The following PLEKHA1 variants were observed in gnomAD, a reference collection of about 807,000 sequenced individuals.
PLEKHA1 encodes the protein pleckstrin homology domain-containing family A member 1.
Under a neutral mutation model 52.0 loss-of-function variants are expected in PLEKHA1, and 34 were observed. The ratio of observed to expected loss-of-function variants is 0.65; its 90% CI spans 0.50 to 0.87. PLEKHA1 has a LOEUF of 0.87. Among genes scored for constraint, PLEKHA1 ranks in the 40% least tolerant of loss-of-function variants. The pLI is 0.00. For missense variants in PLEKHA1, 497 were observed against 504.2 expected (o/e 0.99, Z 0.14); for synonymous variants, 163 against 170.7 (o/e 0.95, Z 0.35).
At chr10:122,377,800 A>G (rs1053665181) in intron 1 of PLEKHA1, among the ~76,000 whole-genome samples, 6 of 152,186 alleles carry the variant, frequency 3.9e-5, no homozygotes, top group African/African-American at 1.4e-4. Flanking sequence ...AAGCAAACAT[A>G]TGTTTGCTAT....
intron 4 of PLEKHA1, among the ~76,000 whole-genome samples, chr10:122,401,154 C>G (rs2096922813): frequency 6.6e-6 from 1 of 151,830 alleles, no homozygotes; most frequent in East Asian, 2.0e-4. Context: ...CGTGGTGTCT[C>G]TGGAGCTGAA....
At chr10:122,385,068 C>T (rs1251797125) in intron 1 of PLEKHA1, among the ~76,000 whole-genome samples, 3 of 152,006 alleles carry the variant, frequency 2.0e-5, no homozygotes, top group African/African-American at 7.3e-5. Context: ...ACCATGTCTG[C>T]AGCACATTAA....
intron 2 of PLEKHA1, among the ~76,000 whole-genome samples, chr10:122,394,488 C>T (rs1407458704): frequency 6.6e-6 from 1 of 152,032 alleles, no homozygotes; most frequent in Non-Finnish European, 1.5e-5. Flanking sequence ...GACTTCTAAG[C>T]TGATTTTTGT....
chr10:122,416,396 G>A (rs901135542), intron 7 of PLEKHA1, among the ~76,000 whole-genome samples: 2 of 152,176 alleles, frequency 1.3e-5, no homozygotes, highest in African/African-American at 2.4e-5. Flanking sequence ...CCTTGTTTAG[G>A]CATTGGCCTG....
At chr10:122,427,139 A>G in intron 11 of PLEKHA1, 108 bp downstream of exon 11, 1 of 1,071,566 alleles carries the variant, frequency 9.3e-7, no homozygotes, top group Non-Finnish European at 1.3e-6. Flanking sequence ...ATTTATTTGC[A>G]TGTTGACTTT....
chr10:122,430,252 T>A lies in PLEKHA1; in HGVS notation c.*314T>A. 4.7e-6 allele frequency: 1 copy of A among 211,562 alleles called. No individual in the cohort carries two copies. 13.1% of individuals were successfully genotyped at this position (211,562 alleles called of 1,614,324 possible). A position where few individuals can be genotyped will look rare whatever the true frequency, so the allele number is the denominator to read the frequency against. On this transcript the variant is annotated 3_prime_UTR_variant, in exon 12 of 12. Transcript: ENST00000368990. ...CTTAGTGATTTTGACAGTTTAAATG[T>A]TTAACAACTTAAAGCATTAAAAATG... is the stretch of plus-strand genomic sequence containing the variant.
chr10:122,409,101 C>CTA (rs1203692140), intron 5 of PLEKHA1, among the ~76,000 whole-genome samples: 2 of 151,810 alleles, frequency 1.3e-5, no homozygotes, highest in South Asian at 2.1e-4. Flanking sequence ...TCCTCTAACG[C>CTA]TATAGTCTGT....
downstream of PLEKHA1, chr10:122,436,304 A>G (rs2097437337): frequency 6.6e-6 from 1 of 152,244 alleles, no homozygotes; most frequent in Non-Finnish European, 1.5e-5. Flanking sequence ...TATTATTTAT[A>G]CATACCTTTA....
chr10:122,393,232 G>T lies in PLEKHA1; in HGVS notation c.32G>T (p.Cys11Phe). ...TATGTGGATCGTCAGAATCGCATTT[G>T]TGGTTTTCTAGACATTGAAGAAAAT... MPYVDRQNRI[C>F]GFLDIEENEN... is the part of the protein sequence containing the mutation. The change falls in exon 2 of 12, where the codon TGT (cysteine) becomes TTT (phenylalanine). Residue 11 changes from cysteine (C) to phenylalanine (F), a missense_variant. Coordinates refer to ENST00000368990, the MANE Select transcript of PLEKHA1 (RefSeq NM_001001974.4). The surrounding 1 kb of genome is among the most constrained non-coding windows in gnomAD (Gnocchi z 4.5). 1 of 1,612,070 alleles carries T rather than the reference G, an allele frequency of 6.2e-7. No homozygotes were observed. Among genetic ancestry groups the T allele is most frequent in the Non-Finnish European group, 8.5e-7 (1 of 1,179,108 alleles).
At chr10:122,429,521 T>C in intron 11 of PLEKHA1, 103 bp from the exon 12 acceptor site, 2 of 900,448 alleles carry the variant, frequency 2.2e-6, no homozygotes, top group Admixed American at 2.3e-5. Context: ...TGTGTGTGTG[T>C]GTGTGTGTGT....
intron 10 of PLEKHA1, 194 bp downstream of exon 10, chr10:122,425,153 T>C (rs968429253): frequency 2.5e-6 from 1 of 399,174 alleles, no homozygotes; most frequent in African/African-American, 2.1e-5. Context: ...GGAGTATTTG[T>C]TATGAATTAG....
intron 4 of PLEKHA1, among the ~76,000 whole-genome samples, chr10:122,401,456 AAAG>A (rs2096928217): frequency 6.6e-6 from 1 of 152,012 alleles, no homozygotes; most frequent in African/African-American, 2.4e-5. Context: ...GGAAGGGTGA[AAAG>A]AAGGAAAAGT....
Position 122,429,947 on chromosome 10 carries a change from C to A in PLEKHA1, c.*9C>A, listed in dbSNP as rs749948712. On this transcript the variant is annotated 3_prime_UTR_variant, in exon 12 of 12. Transcript: ENST00000368990. Reference sequence around the variant, plus strand: ...CGGTCAGTGACGTGTGAGGCAGAAGCGCACGGAGCCTGCCTGCCTCTGCCG... The same window carrying A: ...CGGTCAGTGACGTGTGAGGCAGAAGAGCACGGAGCCTGCCTGCCTCTGCCG... The A allele has an allele frequency of 1.3e-6, 2 of 1,599,896 alleles. No individual in the cohort carries two copies. The highest frequency in any genetic ancestry group is 3.4e-5 in the Admixed American group (2 of 58,672).
chr10:122,399,853 G>A (rs962178221), intron 3 of PLEKHA1, among the ~76,000 whole-genome samples: 12 of 152,238 alleles, frequency 7.9e-5, no homozygotes, highest in Admixed American at 7.8e-4. Context: ...TCAAAGTGCT[G>A]GGATTACAGG....
chr10:122,407,631 C>G (rs1254647791), intron 5 of PLEKHA1, among the ~76,000 whole-genome samples: 6 of 152,210 alleles, frequency 3.9e-5, no homozygotes. Flanking sequence ...CGTAGATAGG[C>G]TCTATTTTGA....
At chr10:122,403,813 G>A (rs984341296) in intron 4 of PLEKHA1, among the ~76,000 whole-genome samples, 1 of 151,694 alleles carries the variant, frequency 6.6e-6, no homozygotes, top group African/African-American at 2.4e-5. Context: ...TGCCTTAGCC[G>A]CCCAAGTAGC....
chr10:122,432,311 G>C lies in PLEKHA1; in HGVS notation c.*2373G>C, dbSNP rs916928677. On this transcript the variant is annotated 3_prime_UTR_variant, in exon 12 of 12. Transcript: ENST00000368990. The stretch of plus-strand genomic sequence containing the variant: ...GTTATCTTTATATGTCAAACTGGTT[G>C]AACACTGTAATGAGAATAAACTGCA... 2 of 152,118 alleles carry C rather than the reference G, an allele frequency of 1.3e-5. No individual in the cohort carries two copies. Among genetic ancestry groups the C allele is most frequent in the Non-Finnish European group, 2.9e-5 (2 of 68,020 alleles). The allele number at this position is 152,118 out of a possible 1,614,324, so 9.4% of individuals were successfully genotyped here. A position where few individuals can be genotyped will look rare whatever the true frequency, so the allele number is the denominator to read the frequency against.
intron 1 of PLEKHA1, among the ~76,000 whole-genome samples, chr10:122,383,863 A>G (rs922040445): frequency 1.3e-5 from 2 of 152,186 alleles, no homozygotes; most frequent in African/African-American, 4.8e-5. Context: ...CCAGATATCT[A>G]AAGTCTTTTT....
intron 5 of PLEKHA1, among the ~76,000 whole-genome samples, chr10:122,409,665 A>G (rs1185746331): frequency 6.6e-6 from 1 of 152,222 alleles, no homozygotes; most frequent in Non-Finnish European, 1.5e-5. Context: ...TTTTAATAGA[A>G]ACTGGAAACA....
Sources: gnomAD v4.1 joint callset for allele counts (sites outside exome capture counted in the v4.1 genomes callset) on GRCh38, gnomAD v4.1.1 for gene constraint, Gnocchi (gnomAD v3.1) non-coding constraint, MANE v1.5 for transcripts, NCBI Gene and HGNC (gene_info 2026-07-23, HGNC 2026-07-21) for gene names.